The following EP400 variants were observed in gnomAD, a reference collection of about 807,000 sequenced individuals.
EP400 encodes E1A-binding protein p400.
A neutral mutation model predicts 354.1 loss-of-function variants in EP400; 105 were observed. The observed-to-expected ratio is 0.30, with a 90% confidence interval of 0.25 to 0.35. The LOEUF (loss-of-function observed/expected upper bound fraction) is 0.35, where lower values mean the gene tolerates loss of function less well. Ranked by LOEUF, EP400 falls within the 10% of genes least tolerant of loss-of-function variation. The pLI is 1.00. For synonymous variants in EP400, 1,646 were observed against 1,716.9 expected (o/e 0.96, Z 1.02); for missense variants, 3,280 against 4,121.0 (o/e 0.80, Z 5.59).
chr12:132,051,993 C>T (rs577148894), intron 41 of EP400, among the ~76,000 whole-genome samples: 6 of 152,304 alleles, frequency 3.9e-5, no homozygotes, highest in Admixed American at 3.9e-4. Context: ...GCACGCTTGT[C>T]TTCTGGTCAC....
In EP400 at chr12:132,013,268, CAATGGCCTTT is replaced by C; in HGVS notation, c.3611+91_3611+100del. The stretch of plus-strand genomic sequence containing the variant: ...AAATCTGCATAATTGCAGACACAAA[CAATGGCCTTT>C]GAGCTAGAGAATTGCTTTTCATCTT... On this transcript the variant is annotated intron_variant, in intron 17 of 52. Coordinates refer to ENST00000389561, the MANE Select transcript of EP400 (RefSeq NM_015409.5). The surrounding 1 kb of genome is among the most constrained non-coding windows in gnomAD (Gnocchi z 4.5). 6.7e-7 allele frequency: 1 copy of C among 1,484,176 alleles called. No homozygotes were observed. 91.9% of individuals were successfully genotyped at this position (1,484,176 alleles called of 1,614,324 possible).
In EP400 at chr12:132,045,069, A is replaced by G. The variant is rs944349459; in HGVS notation, c.6784+116A>G. On this transcript the variant is annotated intron_variant, in intron 37 of 52. Coordinates refer to ENST00000389561, the MANE Select transcript of EP400 (RefSeq NM_015409.5). The stretch of plus-strand genomic sequence containing the variant: ...CTGTCTGCCTGTCTGCTGCAGGGCT[A>G]GCGATCACACGCCCATCCGCTGCCT... The G allele has an allele frequency of 1.3e-5, 19 of 1,460,934 alleles. 1 individual carries two copies. In the South Asian group the frequency reaches 2.0e-4, roughly 15 times the overall value. 90.5% of individuals were successfully genotyped at this position (1,460,934 alleles called of 1,614,324 possible). A position where few individuals can be genotyped will look rare whatever the true frequency, so the allele number is the denominator to read the frequency against.
In EP400 at chr12:132,025,858, A is replaced by G. The variant is rs1894287262; in HGVS notation, c.5014+54A>G. The G allele has an allele frequency of 2.0e-6, 3 of 1,503,578 alleles. No individual in the cohort carries two copies. The highest frequency in any genetic ancestry group is 1.3e-5 in the South Asian group (1 of 74,518). The allele number at this position is 1,503,578 out of a possible 1,614,324, so 93.1% of individuals were successfully genotyped here. ...TGGCTTGGATGCTTCTTTCTCTTCC[A>G]TCTAAGGCGAGTGGAAAGCATTCAT... On this transcript the variant is annotated intron_variant, in intron 25 of 52. Transcript: ENST00000389561. The surrounding 1 kb of genome is among the most constrained non-coding windows in gnomAD (Gnocchi z 4.1).
intron 2 of EP400, among the ~76,000 whole-genome samples, chr12:131,978,311 T>G (rs1342914452): frequency 6.6e-6 from 1 of 152,216 alleles, no homozygotes; most frequent in East Asian, 1.9e-4. Flanking sequence ...TTTGTTGCAC[T>G]TGGTGAAACC....
At chr12:132,034,946 G>A (rs897739758) in intron 30 of EP400, among the ~76,000 whole-genome samples, 3 of 152,212 alleles carry the variant, frequency 2.0e-5, no homozygotes, top group African/African-American at 7.2e-5. Context: ...GAAGCCAAGC[G>A]TTGTACAGAT....
intron 19 of EP400, among the ~76,000 whole-genome samples, chr12:132,014,939 T>A (rs1446018630): frequency 6.6e-6 from 1 of 152,196 alleles, no homozygotes; most frequent in Non-Finnish European, 1.5e-5. Flanking sequence ...TGGGTCTCCC[T>A]CTCTGTGCCT....
Position 132,028,089 on chromosome 12 carries a change from G to C in EP400, c.5182G>C (p.Ala1728Pro). ...AGTCAACGAGCGGCGCTGTTCTCAAGCTCCAGTCTATGGCAGAGACTTGCT... is the reference window on the plus strand; with the variant it reads ...AGTCAACGAGCGGCGCTGTTCTCAACCTCCAGTCTATGGCAGAGACTTGCT... The part of the protein sequence containing the change: ...YLVNERRCSQ[A>P]PVYGRDLLRI... Residue 1728 changes from alanine to proline, a missense_variant, in exon 27 of 53, where the codon GCT becomes CCT. Physicochemically the swap from Ala to Pro is conservative, Grantham distance 27. Around this residue, in one of 20 missense-constraint regions of EP400, gnomAD observed 459 missense variants for 496.9 expected, o/e 0.92. Coordinates refer to ENST00000389561, the MANE Select transcript of EP400 (RefSeq NM_015409.5). 1 of 1,614,210 alleles carries C rather than the reference G, an allele frequency of 6.2e-7. No individual in the cohort carries two copies.
chr12:131,987,984 T>A, intron 7 of EP400, 94 bp downstream of exon 7: 170 of 144,368 alleles, frequency 1.2e-3, no homozygotes, highest in Middle Eastern at 3.0e-3. Flanking sequence ...CCAGACCCAC[T>A]TTTTTTTTTT....
chr12:132,045,512 T>G lies in EP400; in HGVS notation c.6978T>G (p.Gly2326=). ...PTFAKPTAEP[G]QDNPEWLISE... The stretch of plus-strand genomic sequence containing the variant: ...TTGCCAAACCCACAGCTGAGCCTGG[T>G]CAAGACAACCCCGAGTGGCTCATCA... The change falls in exon 38 of 53, where the codon GGT becomes GGG. Residue 2326 remains glycine (G), a synonymous_variant. Transcript: ENST00000389561. The G allele has an allele frequency of 6.2e-7, 1 of 1,614,176 alleles. No individual in the cohort carries two copies. Among genetic ancestry groups the G allele is most frequent in the Non-Finnish European group, 8.5e-7 (1 of 1,180,026 alleles).
rs919763099 is a variant in EP400, at chr12:132,078,729, C to T, written c.*1056C>T. The T allele has an allele frequency of 6.6e-6, 1 of 152,202 alleles. No individual in the cohort carries two copies. Among genetic ancestry groups the T allele is most frequent in the African/African-American group, 2.4e-5 (1 of 41,442 alleles). 9.4% of individuals were successfully genotyped at this position (152,202 alleles called of 1,614,324 possible). A position where few individuals can be genotyped will look rare whatever the true frequency, so the allele number is the denominator to read the frequency against. On this transcript the variant is annotated 3_prime_UTR_variant, in exon 53 of 53. Coordinates refer to ENST00000389561, the MANE Select transcript of EP400 (RefSeq NM_015409.5). The stretch of plus-strand genomic sequence containing the variant: ...ATAGCGGTGGGCCCAGTCAACTCTT[C>T]CTTGTGGACTTACGACAGCAGATTT...
rs1406812485 is a variant in EP400 at position 132,027,462 on chromosome 12, G to A, written c.5040G>A (p.Val1680=). 1.9e-6 allele frequency: 3 copies of A among 1,614,124 alleles called. No individual in the cohort carries two copies. Among genetic ancestry groups the A allele is most frequent in the South Asian group, 2.2e-5 (2 of 91,088 alleles). The change falls in exon 26 of 53, where the codon GTG becomes GTA. Residue 1680 remains valine (V), a synonymous_variant. Coordinates refer to ENST00000389561, the MANE Select transcript of EP400 (RefSeq NM_015409.5). This position sits in a 1 kb window ranked among gnomAD's most constrained non-coding sequence, Gnocchi z 4.9. ...TTGGCGTTCCGGGCCGCGTGGCGGT[G>A]AATGCCTTGGCTGTAGGAGAACCCG... ...PQVGVPGRVA[V]NALAVGEPGT...
At chr12:132,076,132 A>G in intron 51 of EP400, 1 of 363,304 alleles carries the variant, frequency 2.8e-6, no homozygotes, top group East Asian at 7.1e-5. Flanking sequence ...TGTACAGCTC[A>G]TTACTGGAAC....
chr12:131,976,032 G>A (rs962999410), intron 2 of EP400, among the ~76,000 whole-genome samples: 3 of 151,982 alleles, frequency 2.0e-5, no homozygotes, highest in Non-Finnish European at 4.4e-5. Context: ...CTGATGTTAC[G>A]CCTATCCAAT....
At chr12:132,051,871 A>G (rs1202261689) in intron 41 of EP400, among the ~76,000 whole-genome samples, 1 of 152,210 alleles carries the variant, frequency 6.6e-6, no homozygotes, top group East Asian at 1.9e-4. Context: ...CTTGACACTA[A>G]TGCTACTGCT....
chr12:131,983,299 G>T (rs1187391914), intron 5 of EP400, among the ~76,000 whole-genome samples: 1 of 152,226 alleles, frequency 6.6e-6, no homozygotes, highest in African/African-American at 2.4e-5. Flanking sequence ...CTTTTGGGAT[G>T]CTATATGCTC....
rs757068772 is a variant in EP400, at chr12:132,038,857, C to T, written c.6207+761C>T. Among the ~76,000 whole-genome samples, 1 of 152,218 alleles carries T rather than the reference C, an allele frequency of 6.6e-6. No homozygotes were observed. Among genetic ancestry groups the T allele is most frequent in the Non-Finnish European group, 1.5e-5 (1 of 68,042 alleles). ...TGAGTCCCCTCCTCCTTCATGTGGC[C>T]CTGCCACTCCTCCAGAACTTGTTGT... On this transcript the variant is annotated intron_variant, in intron 32 of 52. Transcript: ENST00000389561. This position sits in a 1 kb window ranked among gnomAD's most constrained non-coding sequence, Gnocchi z 4.2.
chr12:132,010,149 G>A (rs1318074412), intron 15 of EP400, among the ~76,000 whole-genome samples: 4 of 148,750 alleles, frequency 2.7e-5, no homozygotes, highest in Non-Finnish European at 5.9e-5. Flanking sequence ...TTGCAGTGGC[G>A]TGATCTCAGC....
chr12:131,983,877 C>T (rs1275698696), intron 5 of EP400, among the ~76,000 whole-genome samples: 2 of 151,824 alleles, frequency 1.3e-5, no homozygotes, highest in East Asian at 1.9e-4. Context: ...TGGGATTTCG[C>T]CATGCTGCCC....
chr12:131,975,281 C>T (rs891554280), intron 2 of EP400, among the ~76,000 whole-genome samples: 8 of 152,260 alleles, frequency 5.3e-5, no homozygotes, highest in South Asian at 4.1e-4. Flanking sequence ...CCAGTTTATC[C>T]GTGTGTTCAT....
Sources: allele counts gnomAD v4.1 joint callset (sites outside exome capture counted in the v4.1 genomes callset), GRCh38; gene constraint gnomAD v4.1.1; regional missense constraint gnomAD v4.1.1; non-coding constraint Gnocchi (gnomAD v3.1); transcripts MANE v1.5; gene names NCBI Gene and HGNC (gene_info 2026-07-23, HGNC 2026-07-21).